Variants in LRMDA observed in about 807,000 individuals in gnomAD.
LRMDA encodes leucine-rich melanocyte differentiation-associated protein.
In LRMDA, 18 loss-of-function variants were observed where a neutral mutation model predicts 29.8. The observed-to-expected ratio is 0.60, with a 90% CI of 0.42 to 0.90. The LOEUF (loss-of-function observed/expected upper bound fraction) is 0.90. Ranked by LOEUF, LRMDA falls within the 40% of genes least tolerant of loss-of-function variation. The probability of loss-of-function intolerance (pLI) is 0.00; values close to 1 mark genes in which losing one functional copy is unlikely to be tolerated. For missense variants in LRMDA, 273 were observed against 273.9 expected (o/e 1.00, Z 0.02); for synonymous variants, 125 against 109.4 (o/e 1.14, Z -0.89).
chr10:76,348,773 C>T (rs1029134580), intron 6 of LRMDA, among the ~76,000 whole-genome samples: 1 of 152,188 alleles, frequency 6.6e-6, no homozygotes, highest in African/African-American at 2.4e-5. Flanking sequence ...AAGGTCCCTG[C>T]CTCAAGGAAC....
In LRMDA at chr10:76,387,345, T is replaced by TA. The variant is rs1222448956; in HGVS notation, c.601+62862dup. Among the ~76,000 whole-genome samples the TA allele has an allele frequency of 2.0e-5, 3 of 152,258 alleles. No homozygotes were observed. The East Asian group carries it at 5.8e-4, about 29-fold the overall frequency. ...GAGCAGGCATAGTGGCTCATGCCTA[T>TA]AACCCAGCATTTTGGGAGGCTGAGG... On this transcript the variant is annotated intron_variant, in intron 6 of 6. Transcript: ENST00000611255.
chr10:75,629,491 CGTT>C (rs1841296427), intron 2 of LRMDA, among the ~76,000 whole-genome samples: 2 of 152,330 alleles, frequency 1.3e-5, no homozygotes, highest in Admixed American at 6.5e-5. Flanking sequence ...TGCATTTTCA[CGTT>C]ATTATCTCAC....
intron 5 of LRMDA, among the ~76,000 whole-genome samples, chr10:76,276,254 C>T (rs1475194725): frequency 6.6e-6 from 1 of 152,088 alleles, no homozygotes; most frequent in African/African-American, 2.4e-5. Context: ...ATCCTCCTGC[C>T]TTGGCCTCCC....
intron 6 of LRMDA, among the ~76,000 whole-genome samples, chr10:76,333,462 C>G (rs1840928589): frequency 6.6e-6 from 1 of 152,134 alleles, no homozygotes; most frequent in Non-Finnish European, 1.5e-5. Context: ...GAGCAGGTTT[C>G]TAGCAAAGGT....
At chr10:75,856,156 AG>A (rs1343825602) in intron 2 of LRMDA, among the ~76,000 whole-genome samples, 1 of 152,176 alleles carries the variant, frequency 6.6e-6, no homozygotes, top group African/African-American at 2.4e-5. Flanking sequence ...TACCTTGGGC[AG>A]TATGGCCATT....
chr10:75,646,713 G>A (rs1348995711), intron 2 of LRMDA, among the ~76,000 whole-genome samples: 5 of 152,320 alleles, frequency 3.3e-5, no homozygotes, highest in African/African-American at 9.6e-5. Flanking sequence ...GAGTGAGTTC[G>A]TTACATTGAT....
At chr10:76,476,357 C>CA (rs1395335840) in intron 6 of LRMDA, among the ~76,000 whole-genome samples, 3 of 151,750 alleles carry the variant, frequency 2.0e-5, no homozygotes, top group African/African-American at 4.8e-5. Flanking sequence ...CAGGAAGAAG[C>CA]AAAATCACTT....
intron 2 of LRMDA, among the ~76,000 whole-genome samples, chr10:75,526,746 C>T (rs1404691121): frequency 6.6e-6 from 1 of 151,746 alleles, no homozygotes; most frequent in Non-Finnish European, 1.5e-5. Context: ...GTTCCTATTA[C>T]TCTGGTGGAG....
At chr10:76,556,026 G>A (rs1843552772) in intron 6 of LRMDA, among the ~76,000 whole-genome samples, 1 of 152,122 alleles carries the variant, frequency 6.6e-6, no homozygotes. Context: ...TAAAAATGCA[G>A]GTGGCAAAAA....
chr10:76,023,952 T>A (rs1196030801), intron 2 of LRMDA, among the ~76,000 whole-genome samples: 2 of 152,262 alleles, frequency 1.3e-5, no homozygotes, highest in Admixed American at 1.3e-4. Flanking sequence ...ATCCCCATTC[T>A]GATATCTGCA....
At chr10:75,746,468 G>A (rs1842892155) in intron 2 of LRMDA, among the ~76,000 whole-genome samples, 1 of 152,158 alleles carries the variant, frequency 6.6e-6, no homozygotes, top group Non-Finnish European at 1.5e-5. Flanking sequence ...AGGAAAATCT[G>A]AGTGTAAATT....
rs1334866324 is a variant in LRMDA at position 75,985,992 on chromosome 10, T to C, written c.132-50016T>C. On this transcript the variant is annotated intron_variant, in intron 2 of 6. Coordinates refer to ENST00000611255, the MANE Select transcript of LRMDA (RefSeq NM_001305581.2). Reference sequence around the variant, plus strand: ...TTGTATCAACAGGAGTTGGTCAAGATGTTTTCTAGACAGCATTTTAAATTC... The same window carrying C: ...TTGTATCAACAGGAGTTGGTCAAGACGTTTTCTAGACAGCATTTTAAATTC... Among the ~76,000 whole-genome samples, 7 of 152,354 alleles carry C rather than the reference T, an allele frequency of 4.6e-5. No homozygotes were observed. In the East Asian group the frequency reaches 1.4e-3, roughly 29 times the overall value.
intron 5 of LRMDA, among the ~76,000 whole-genome samples, chr10:76,203,189 A>G (rs1851465056): frequency 6.6e-6 from 1 of 151,926 alleles, no homozygotes; most frequent in South Asian, 2.1e-4. Flanking sequence ...GTAGAATCTC[A>G]CAAGTTCTGC....
At chr10:76,279,585 G>T (rs1198742827) in intron 5 of LRMDA, among the ~76,000 whole-genome samples, 4 of 99,880 alleles carry the variant, frequency 4.0e-5, no homozygotes, top group Non-Finnish European at 5.5e-5. Context: ...CGCTCTTGTT[G>T]CCCAGGCTGG....
chr10:75,491,431 A>G (rs935953805), intron 2 of LRMDA, among the ~76,000 whole-genome samples: 3 of 152,122 alleles, frequency 2.0e-5, no homozygotes, highest in African/African-American at 4.8e-5. Flanking sequence ...GAGTGGGGGA[A>G]CTTGTCACCC....
intron 3 of LRMDA, among the ~76,000 whole-genome samples, chr10:76,040,661 C>A (rs752355566): frequency 6.6e-6 from 1 of 152,160 alleles, no homozygotes; most frequent in Non-Finnish European, 1.5e-5. Context: ...TGGTAATGGT[C>A]TCAGCCATAT....
chr10:75,582,443 G>T (rs1298526977), intron 2 of LRMDA, among the ~76,000 whole-genome samples: 1 of 152,196 alleles, frequency 6.6e-6, no homozygotes, highest in Non-Finnish European at 1.5e-5. Flanking sequence ...AGTGGCCCAA[G>T]CTGTCCCTGG....
At chr10:76,377,454 C>T (rs1433107652) in intron 6 of LRMDA, among the ~76,000 whole-genome samples, 3 of 152,108 alleles carry the variant, frequency 2.0e-5, no homozygotes, top group Non-Finnish European at 4.4e-5. Context: ...CTCTTAGTTA[C>T]AAATTCTTTG....
At chr10:76,305,382 C>T (rs1220818444) in intron 5 of LRMDA, among the ~76,000 whole-genome samples, 1 of 152,080 alleles carries the variant, frequency 6.6e-6, no homozygotes, top group East Asian at 1.9e-4. Flanking sequence ...AAAGTAACCT[C>T]AAAACATCTT....
Sources: allele counts gnomAD v4.1 joint callset (sites outside exome capture counted in the v4.1 genomes callset), GRCh38; gene constraint gnomAD v4.1.1; transcripts MANE v1.5; gene names NCBI Gene and HGNC (gene_info 2026-07-23, HGNC 2026-07-21).